The following PRKCA variants were observed in gnomAD, a reference collection of about 807,000 sequenced individuals.
PRKCA encodes the protein protein kinase C alpha.
PRKCA carries 27 observed loss-of-function variants against 87.0 expected under a neutral mutation model. That is an observed-to-expected ratio of 0.31 (90% CI 0.23 to 0.43). PRKCA has a LOEUF of 0.43. Among genes scored for constraint, PRKCA ranks in the 20% least tolerant of loss-of-function variants. The probability of loss-of-function intolerance (pLI) is 1.00; values close to 1 mark genes in which losing one functional copy is unlikely to be tolerated. For missense variants in PRKCA, 518 were observed against 852.3 expected (o/e 0.61, Z 4.88); for synonymous variants, 329 against 311.1 (o/e 1.06, Z -0.61).
chr17:66,377,721 A>ATATTTTT (rs1350881561), intron 2 of PRKCA, among the ~76,000 whole-genome samples: 26 of 69,148 alleles, frequency 3.8e-4, no homozygotes, highest in East Asian at 1.9e-3. Context: ...ATATATATAT[A>ATATTTTT]TTTTTTTTTT....
At chr17:66,505,616 C>T (rs1020942668) in intron 3 of PRKCA, among the ~76,000 whole-genome samples, 13 of 151,984 alleles carry the variant, frequency 8.6e-5, no homozygotes, top group Non-Finnish European at 1.5e-4. Flanking sequence ...GAGATTGTCT[C>T]GGGAGGCAGA....
rs140021005 is a variant in PRKCA, at chr17:66,740,379, C to T, written c.1323-1280C>T. 8.5e-5 allele frequency among the ~76,000 whole-genome samples: 13 copies of T among 152,114 alleles called. No individual in the cohort carries two copies. In the South Asian group the frequency reaches 1.0e-3, roughly 12 times the overall value. On this transcript the variant is annotated intron_variant, in intron 11 of 16. Transcript: ENST00000413366. ...CAGTGGAGCAAGCCTAAACAAAGGG[C>T]GAGTTTAGTTCCGCAGTGAGGAAAC...
intron 5 of PRKCA, among the ~76,000 whole-genome samples, chr17:66,685,712 C>G (rs890089656): frequency 6.6e-6 from 1 of 152,176 alleles, no homozygotes; most frequent in Non-Finnish European, 1.5e-5. Flanking sequence ...GTCCAAAGAC[C>G]CAACATCTTT....
chr17:66,661,663 A>C (rs577932284), intron 5 of PRKCA, among the ~76,000 whole-genome samples: 1 of 152,242 alleles, frequency 6.6e-6, no homozygotes, highest in Admixed American at 6.5e-5. Context: ...CACCCAGTGC[A>C]TTAATCACCC....
intron 13 of PRKCA, among the ~76,000 whole-genome samples, chr17:66,759,807 C>A (rs1190274599): frequency 2.0e-5 from 3 of 152,296 alleles, no homozygotes; most frequent in South Asian, 2.1e-4. Context: ...CTAGAGCAGA[C>A]CTCAGAGCAA....
chr17:66,562,233 T>A (rs1231541158), intron 3 of PRKCA, among the ~76,000 whole-genome samples: 1 of 126,530 alleles, frequency 7.9e-6, no homozygotes, highest in Non-Finnish European at 1.6e-5. Context: ...TAATTATATA[T>A]ATATATATCT....
chr17:66,542,048 T>G (rs2067245819), intron 3 of PRKCA, among the ~76,000 whole-genome samples: 6 of 152,214 alleles, frequency 3.9e-5, no homozygotes, highest in Admixed American at 3.9e-4. Context: ...GTTGCGGTTA[T>G]TATGGTTCTA....
At chr17:66,369,886 C>T (rs916852169) in intron 2 of PRKCA, among the ~76,000 whole-genome samples, 2 of 152,228 alleles carry the variant, frequency 1.3e-5, no homozygotes, top group African/African-American at 2.4e-5. Flanking sequence ...CCAAAGAACT[C>T]GAGCAGCCTG....
In PRKCA at chr17:66,732,714, C is replaced by A; in HGVS notation, c.945C>A (p.Asn315Lys). The part of the protein sequence containing the change: ...FEKAKLGPAG[N>K]KVISPSEDRK... ...AAGCCAAACTTGGCCCTGCTGGCAA[C>A]AAAGTCATCAGTCCCTCTGAAGACA... is the stretch of plus-strand genomic sequence containing the variant. Residue 315 changes from asparagine to lysine, a missense_variant, in exon 9 of 17, where the codon AAC (asparagine) becomes AAA (lysine). This residue lies in a region of PRKCA where 300 missense variants were observed against 496.8 expected (regional missense o/e 0.60). Transcript: ENST00000413366. 3 of 1,614,078 alleles carry A rather than the reference C, an allele frequency of 1.9e-6. No individual in the cohort carries two copies. In the South Asian group the frequency reaches 3.3e-5, roughly 18 times the overall value.
chr17:66,784,798 C>G (rs928399553), intron 14 of PRKCA, among the ~76,000 whole-genome samples: 2 of 152,142 alleles, frequency 1.3e-5, no homozygotes, highest in African/African-American at 2.4e-5. Context: ...CACACGTCCC[C>G]CTGATGGCAC....
At chr17:66,517,698 C>T (rs1193186860) in intron 3 of PRKCA, among the ~76,000 whole-genome samples, 1 of 152,160 alleles carries the variant, frequency 6.6e-6, no homozygotes, top group East Asian at 1.9e-4. Flanking sequence ...CTGTTGTGGC[C>T]TCTTAGCATA....
chr17:66,707,065 C>T (rs1164326729), intron 8 of PRKCA, among the ~76,000 whole-genome samples: 1 of 152,126 alleles, frequency 6.6e-6, no homozygotes, highest in Non-Finnish European at 1.5e-5. Context: ...TGTCCCTTCC[C>T]ACACACCCTT....
At chr17:66,547,116 C>T (rs543100886) in intron 3 of PRKCA, among the ~76,000 whole-genome samples, 1 of 152,202 alleles carries the variant, frequency 6.6e-6, no homozygotes, top group Admixed American at 6.5e-5. Flanking sequence ...CCTTACCTAT[C>T]TACCTTCCTT....
intron 2 of PRKCA, among the ~76,000 whole-genome samples, chr17:66,413,695 T>C (rs1304472741): frequency 6.6e-6 from 1 of 152,130 alleles, no homozygotes; most frequent in Non-Finnish European, 1.5e-5. Context: ...TCTTATGAGC[T>C]CTGTGTTAGG....
At chr17:66,787,313 C>T in intron 15 of PRKCA, 1 of 406,360 alleles carries the variant, frequency 2.5e-6, no homozygotes, top group Admixed American at 3.0e-5. Flanking sequence ...CCATCGTTTC[C>T]TTATCCATTC....
chr17:66,565,316 G>A (rs752341330), intron 3 of PRKCA, among the ~76,000 whole-genome samples: 47 of 152,162 alleles, frequency 3.1e-4, no homozygotes, highest in Non-Finnish European at 6.0e-4. Context: ...AGCATGCTGA[G>A]CAGGGGAAAG....
At chr17:66,525,542 G>A (rs547224478) in intron 3 of PRKCA, among the ~76,000 whole-genome samples, 4 of 152,230 alleles carry the variant, frequency 2.6e-5, no homozygotes, top group East Asian at 3.9e-4. Context: ...GCGCTGGCAC[G>A]TGTGAGACAG....
chr17:66,705,092 A>G (rs1461310365), intron 8 of PRKCA, among the ~76,000 whole-genome samples: 2 of 152,322 alleles, frequency 1.3e-5, no homozygotes, highest in South Asian at 2.1e-4. Context: ...AAAAAAATCT[A>G]TGTGCCCCAA....
At chr17:66,458,612 C>T (rs908025000) in intron 2 of PRKCA, among the ~76,000 whole-genome samples, 5 of 152,074 alleles carry the variant, frequency 3.3e-5, no homozygotes, top group African/African-American at 9.7e-5. Context: ...TCCCAAGTAG[C>T]TGAGACTACA....
Sources: allele counts gnomAD v4.1 joint callset (sites outside exome capture counted in the v4.1 genomes callset), GRCh38; gene constraint gnomAD v4.1.1; regional missense constraint gnomAD v4.1.1; transcripts MANE v1.5; gene names NCBI Gene and HGNC (gene_info 2026-07-23, HGNC 2026-07-21).